Variants in ESRRB observed in about 807,000 individuals in gnomAD.
ESRRB encodes estrogen related receptor beta.
In ESRRB, 16 loss-of-function variants were observed where a neutral mutation model predicts 46.0. The observed-to-expected ratio is 0.35, with a 90% CI of 0.24 to 0.53. The LOEUF is 0.53. Among genes scored for constraint, ESRRB ranks in the 20% least tolerant of loss-of-function variants. The pLI is 0.93. For synonymous variants in ESRRB, 246 were observed against 259.6 expected (o/e 0.95, Z 0.50); for missense variants, 488 against 607.4 (o/e 0.80, Z 2.07).
At chr14:76,331,270 C>A (rs530792834) in intron 1 of ESRRB, among the ~76,000 whole-genome samples, 1 of 152,130 alleles carries the variant, frequency 6.6e-6, no homozygotes, top group African/African-American at 2.4e-5. Flanking sequence ...TGGTGAAGAC[C>A]GGCCAGTGGT....
chr14:76,357,687 A>G (rs780005973), intron 1 of ESRRB, among the ~76,000 whole-genome samples: 7 of 152,074 alleles, frequency 4.6e-5, no homozygotes, highest in Non-Finnish European at 1.0e-4. Context: ...TAAATTTTAC[A>G]AACATCTTTT....
intron 6 of ESRRB, among the ~76,000 whole-genome samples, chr14:76,493,602 G>A (rs1327277434): frequency 1.3e-5 from 2 of 152,178 alleles, no homozygotes; most frequent in Non-Finnish European, 1.5e-5. Context: ...ATGGAAAAGG[G>A]AGAACTGGCT....
intron 3 of ESRRB, among the ~76,000 whole-genome samples, chr14:76,471,684 C>T (rs1397079034): frequency 1.3e-5 from 2 of 152,220 alleles, no homozygotes; most frequent in Admixed American, 1.3e-4. Flanking sequence ...AAAGGCCTCC[C>T]TATCCACTCT....
intron 5 of ESRRB, among the ~76,000 whole-genome samples, chr14:76,485,802 T>G (rs1423036271): frequency 6.6e-6 from 1 of 151,618 alleles, no homozygotes; most frequent in African/African-American, 2.4e-5. Context: ...TGCTCAGGAG[T>G]AGAGCTCTGA....
At chr14:76,489,480 C>CACACACACACACA (rs1890138576) in intron 5 of ESRRB, among the ~76,000 whole-genome samples, 37 of 150,794 alleles carry the variant, frequency 2.5e-4, no homozygotes, top group Middle Eastern at 3.4e-3. Context: ...CACACACACA[C>CACACACACACACA]CCTGATCCCC....
At chr14:76,457,323 C>T (rs987334252) in intron 2 of ESRRB, among the ~76,000 whole-genome samples, 3 of 152,156 alleles carry the variant, frequency 2.0e-5, no homozygotes, top group Non-Finnish European at 4.4e-5. Flanking sequence ...GGATCCAACA[C>T]CTAGAAAAGA....
At chr14:76,381,161 T>C (rs539135459) in intron 1 of ESRRB, among the ~76,000 whole-genome samples, 1 of 152,286 alleles carries the variant, frequency 6.6e-6, no homozygotes, top group Admixed American at 6.5e-5. Context: ...GGTGGGATTA[T>C]ATCCTTTTAG....
intron 1 of ESRRB, among the ~76,000 whole-genome samples, chr14:76,397,885 T>C (rs1885763609): frequency 6.6e-6 from 1 of 152,192 alleles, no homozygotes; most frequent in African/African-American, 2.4e-5. Context: ...GCATGCAAAG[T>C]TGACCTGTTT....
chr14:76,386,594 C>A (rs1389525466), intron 1 of ESRRB, among the ~76,000 whole-genome samples: 1 of 151,558 alleles, frequency 6.6e-6, no homozygotes. Flanking sequence ...GTAGCTGGGA[C>A]TACAGGTGTG....
At chr14:76,458,249 C>T (rs992876044) in intron 2 of ESRRB, among the ~76,000 whole-genome samples, 1 of 152,084 alleles carries the variant, frequency 6.6e-6, no homozygotes, top group Non-Finnish European at 1.5e-5. Context: ...CGCTCCTAGG[C>T]CCGCCTCAAG....
intron 1 of ESRRB, among the ~76,000 whole-genome samples, chr14:76,342,865 T>C (rs894221044): frequency 6.6e-6 from 1 of 152,230 alleles, no homozygotes; most frequent in Non-Finnish European, 1.5e-5. Context: ...AGCAGTGAAC[T>C]TGACAGCCAC....
intron 5 of ESRRB, among the ~76,000 whole-genome samples, chr14:76,489,527 A>AAGCTCCCCC (rs1466870084): frequency 1.3e-5 from 2 of 148,878 alleles, no homozygotes; most frequent in Non-Finnish European, 3.0e-5. Flanking sequence ...GCATCAATCA[A>AAGCTCCCCC]AGCTCCCCCG....
chr14:76,351,121 G>A (rs1159113545), intron 1 of ESRRB, among the ~76,000 whole-genome samples: 1 of 152,212 alleles, frequency 6.6e-6, no homozygotes, highest in Non-Finnish European at 1.5e-5. Flanking sequence ...CCTGGCCACT[G>A]TGGGGCTGGA....
chr14:76,377,211 G>A (rs1365682735), intron 1 of ESRRB, among the ~76,000 whole-genome samples: 2 of 152,240 alleles, frequency 1.3e-5, no homozygotes, highest in African/African-American at 4.8e-5. Flanking sequence ...CCGGCGCCGC[G>A]AGAAGCGACT....
intron 1 of ESRRB, among the ~76,000 whole-genome samples, chr14:76,426,038 G>A (rs1053553666): frequency 6.6e-6 from 1 of 152,228 alleles, no homozygotes; most frequent in Admixed American, 6.5e-5. Flanking sequence ...GATGACACTT[G>A]TCATTATTTC....
At chr14:76,332,728 T>TA (rs1566853296) in intron 1 of ESRRB, among the ~76,000 whole-genome samples, 1 of 16,682 alleles carries the variant, frequency 6.0e-5, no homozygotes, top group African/African-American at 2.8e-4. Context: ...ATTATATATA[T>TA]TTATATATTA....
At chr14:76,429,971 C>T (rs1202435645) in intron 1 of ESRRB, among the ~76,000 whole-genome samples, 1 of 151,606 alleles carries the variant, frequency 6.6e-6, no homozygotes, top group African/African-American at 2.4e-5. Flanking sequence ...TTCCTTCCTG[C>T]CTGCCTTCCT....
In ESRRB at chr14:76,482,644, C is replaced by T. The variant is rs4551967; in HGVS notation, c.735C>T (p.Leu245=). The T allele has an allele frequency of 6.2e-7, 1 of 1,614,188 alleles. No individual in the cohort carries two copies. Among genetic ancestry groups the T allele is most frequent in the South Asian group, 1.1e-5 (1 of 91,084 alleles). Residue 245 remains leucine (L), a synonymous_variant, in exon 5 of 7, where the codon CTC becomes CTT. Coordinates refer to ENST00000644823, the MANE Select transcript of ESRRB (RefSeq NM_001379180.1). This position sits in a 1 kb window ranked among gnomAD's most constrained non-coding sequence, Gnocchi z 4.3. ...SYLLVAEPDK[L]YAMPPPGMPE... is the part of the protein sequence containing the mutation. ...TACTGGTGGCTGAGCCGGACAAGCTCTATGCCATGCCTCCCCCTGGTATGC... is the reference window on the plus strand; with the variant it reads ...TACTGGTGGCTGAGCCGGACAAGCTTTATGCCATGCCTCCCCCTGGTATGC...
chr14:76,387,214 G>T (rs893164224), intron 1 of ESRRB, among the ~76,000 whole-genome samples: 1 of 152,170 alleles, frequency 6.6e-6, no homozygotes, highest in Non-Finnish European at 1.5e-5. Flanking sequence ...CGCCAACAGG[G>T]TACCAGCGGA....
Sources: gnomAD v4.1 joint callset for allele counts (sites outside exome capture counted in the v4.1 genomes callset) on GRCh38, gnomAD v4.1.1 for gene constraint, Gnocchi (gnomAD v3.1) non-coding constraint, MANE v1.5 for transcripts, NCBI Gene and HGNC (gene_info 2026-07-23, HGNC 2026-07-21) for gene names.